The following KIF21B variants were observed in gnomAD, a reference collection of about 807,000 sequenced individuals.
KIF21B encodes the protein kinesin family member 21B, also known as kinesin-like protein KIF21B.
In KIF21B, 85 loss-of-function variants were observed where a neutral mutation model predicts 192.9. The ratio of observed to expected loss-of-function variants is 0.44; its 90% confidence interval spans 0.37 to 0.53. The LOEUF (loss-of-function observed/expected upper bound fraction) is 0.53, where lower values mean the gene tolerates loss of function less well. Among genes scored for constraint, KIF21B ranks in the 20% least tolerant of loss-of-function variants. The pLI, the probability that KIF21B is intolerant of heterozygous loss-of-function variation, is 0.00. For missense variants in KIF21B, 1,716 were observed against 2,194.8 expected, an observed-to-expected ratio of 0.78 and a Z score of 4.36; for synonymous variants, 832 against 884.6, an observed-to-expected ratio of 0.94 and a Z score of 1.05.
At chr1:200,981,547 G>T (rs1655931138) in intron 28 of KIF21B, among the ~76,000 whole-genome samples, 1 of 152,162 alleles carries the variant, frequency 6.6e-6, no homozygotes, top group South Asian at 2.1e-4. Context: ...GTGAGGGAGG[G>T]GTGCTGAGAG....
Position 200,981,043 on chromosome 1 carries a change from T to C in KIF21B, c.3896A>G (p.Gln1299Arg). 6.2e-7 allele frequency: 1 copy of C among 1,609,840 alleles called. No homozygotes were observed. Among genetic ancestry groups the C allele is most frequent in the Non-Finnish European group, 8.5e-7 (1 of 1,178,426 alleles). The change falls in exon 29 of 35, where the codon CAG (glutamine) becomes CGG (arginine). Residue 1299 changes from glutamine to arginine, a missense_variant. Transcript: ENST00000461742. ...GTGGCCTTCGGCCATGGAGACACAC[T>C]GCAGTGGGGCCGTCCGTGCACCCTT... ...GAKGARTAPL[Q>R]CVSMAEGHTK...
intron 16 of KIF21B, 136 bp from the exon 17 acceptor site, chr1:200,991,861 T>G: frequency 2.2e-6 from 2 of 909,738 alleles, no homozygotes; most frequent in Non-Finnish European, 3.4e-6. Context: ...CTTGATAAAG[T>G]GGGACCCAGG....
chr1:200,977,797 T>C (rs572439828), intron 30 of KIF21B, among the ~76,000 whole-genome samples: 86 of 151,854 alleles, frequency 5.7e-4, no homozygotes, highest in Admixed American at 2.2e-3. Flanking sequence ...CGCAATGGCA[T>C]GATCTCGGCT....
intron 34 of KIF21B, chr1:200,973,798 T>C: frequency 1.0e-5 from 15 of 1,434,328 alleles, no homozygotes; most frequent in Non-Finnish European, 1.3e-5. Context: ...AGCTTTGTCA[T>C]GGGTTTTCTT....
chr1:200,979,429 T>C (rs749621779), intron 30 of KIF21B, 106 bp downstream of exon 30: 3 of 789,520 alleles, frequency 3.8e-6, no homozygotes, highest in South Asian at 2.6e-5. Flanking sequence ...TCTGTGCCCA[T>C]GTAGCCGGGC....
Position 201,009,460 on chromosome 1 carries a change from T to C in KIF21B, c.70A>G (p.Ile24Val). 1.2e-6 allele frequency: 2 copies of C among 1,614,154 alleles called. No homozygotes were observed. The highest frequency in any genetic ancestry group is 2.2e-5 in the South Asian group (2 of 91,090). The part of the protein sequence containing the change: ...RIRPQLSKEK[I>V]EGCHICTSVT... ...GAGGTACAGATGTGACAGCCCTCAA[T>C]CTTCTCCTTCGACAGCTGGGGCCGG... is the stretch of plus-strand genomic sequence containing the variant. Residue 24 changes from isoleucine (I) to valine (V), a missense_variant, in exon 2 of 35, where the codon ATT (isoleucine) becomes GTT (valine). Physicochemically the swap from Ile to Val is conservative, Grantham distance 29 (BLOSUM62 3). This residue lies in a region of KIF21B where 1,087 missense variants were observed against 1,316.6 expected (regional missense o/e 0.83). Coordinates refer to ENST00000461742, the MANE Select transcript of KIF21B (RefSeq NM_001252102.2).
At chr1:201,008,445 C>T (rs1658042164) in intron 3 of KIF21B, among the ~76,000 whole-genome samples, 1 of 152,130 alleles carries the variant, frequency 6.6e-6, no homozygotes, top group Admixed American at 6.6e-5. Flanking sequence ...AGGTACCACC[C>T]CATTTTGCAG....
In KIF21B at chr1:201,023,280, A is replaced by G. The variant is rs1197571479; in HGVS notation, c.41+63T>C. 5 of 1,422,046 alleles carry G rather than the reference A, an allele frequency of 3.5e-6. No individual in the cohort carries two copies. The highest frequency in any genetic ancestry group is 4.7e-6 in the Non-Finnish European group (5 of 1,059,800). 88.1% of individuals were successfully genotyped at this position (1,422,046 alleles called of 1,614,324 possible). On this transcript the variant is annotated intron_variant, in intron 1 of 34. Transcript: ENST00000461742. This position sits in a 1 kb window ranked among gnomAD's most constrained non-coding sequence, Gnocchi z 5.9. Reference sequence around the variant, plus strand: ...AGCGGTGCTCGCGCCCCCCGCCCAAAGCCCACGCGAGACAAAGCCCGAGGC... The same window carrying G: ...AGCGGTGCTCGCGCCCCCCGCCCAAGGCCCACGCGAGACAAAGCCCGAGGC...
rs139054178 is a variant in KIF21B at position 201,003,601 on chromosome 1, C to A, written c.1197G>T (p.Leu399=). The change falls in exon 8 of 35, where the codon CTG becomes CTT. Residue 399 remains leucine (L), a synonymous_variant. Coordinates refer to ENST00000461742, the MANE Select transcript of KIF21B (RefSeq NM_001252102.2). ...RAEIARLQME[L]MEYKAGKRVI... ...GCATGCTCACCGCCTTATACTCCATCAGCTCCATCTGCAGCCGAGCAATCT... is the reference window on the plus strand; with the variant it reads ...GCATGCTCACCGCCTTATACTCCATAAGCTCCATCTGCAGCCGAGCAATCT... 3,434 of 1,613,952 alleles carry A rather than the reference C, an allele frequency of 2.1e-3. 13 individuals are homozygous for A. The highest frequency in any genetic ancestry group is 0.011 in the Middle Eastern group (62 of 5,820).
intron 15 of KIF21B, among the ~76,000 whole-genome samples, chr1:200,995,925 C>A (rs1413173484): frequency 6.6e-6 from 1 of 152,156 alleles, no homozygotes; most frequent in African/African-American, 2.4e-5. Flanking sequence ...GTGGGGTCCC[C>A]TGAAATCCTC....
intron 5 of KIF21B, 144 bp from the exon 6 acceptor site, chr1:201,005,077 A>G (rs1657728319): frequency 1.9e-6 from 2 of 1,053,448 alleles, no homozygotes; most frequent in South Asian, 1.6e-5. Context: ...CAATGTGCAC[A>G]GTATTTGCAC....
intron 16 of KIF21B, 62 bp from the exon 17 acceptor site, chr1:200,991,787 TA>T (rs1656719852): frequency 1.3e-6 from 2 of 1,548,526 alleles, no homozygotes; most frequent in Non-Finnish European, 1.8e-6. Context: ...TCTGTCTGTG[TA>T]CAGGCTGGCT....
Position 200,974,866 on chromosome 1 carries a change from G to C in KIF21B, c.4662C>G (p.Ile1554Met), listed in dbSNP as rs1655441800. 1.1e-5 allele frequency: 17 copies of C among 1,614,160 alleles called. No individual in the cohort carries two copies. The highest frequency in any genetic ancestry group is 1.4e-5 in the Non-Finnish European group (16 of 1,180,022). The change falls in exon 34 of 35, where the codon ATC becomes ATG. Residue 1554 changes from isoleucine (I) to methionine (M), a missense_variant. Ile to Met is a conservative substitution (Grantham distance 10). This residue lies in a region of KIF21B where 580 missense variants were observed against 775.5 expected (regional missense o/e 0.75). Coordinates refer to ENST00000461742, the MANE Select transcript of KIF21B (RefSeq NM_001252102.2). Reference sequence around the variant, plus strand: ...CGCTGAGCAGCATGGGGCGGCCCGGGATGAAGGCCAGGGCGCACACCCAGT... The same window carrying C: ...CGCTGAGCAGCATGGGGCGGCCCGGCATGAAGGCCAGGGCGCACACCCAGT... ...HKDWVCALAFIPGRPMLLSAC... is the reference protein window; with the variant it reads ...HKDWVCALAFMPGRPMLLSAC...
chr1:200,993,938 G>A (rs1347085961), intron 15 of KIF21B, among the ~76,000 whole-genome samples: 2 of 145,052 alleles, frequency 1.4e-5, no homozygotes, highest in African/African-American at 2.6e-5. Flanking sequence ...GGTCCAGAAT[G>A]AGTGTTCTCC....
Position 200,975,786 on chromosome 1 carries a change from G to A in KIF21B, c.4444-117C>T. 1 of 1,025,932 alleles carries A rather than the reference G, an allele frequency of 9.7e-7. No homozygotes were observed. The highest frequency in any genetic ancestry group is 1.4e-6 in the Non-Finnish European group (1 of 729,040). The allele number at this position is 1,025,932 out of a possible 1,614,324, so 63.6% of individuals were successfully genotyped here. A position where few individuals can be genotyped will look rare whatever the true frequency, so the allele number is the denominator to read the frequency against. Reference sequence around the variant, plus strand: ...GAGTCTGGCTAGGGTGACAGCCACTGCCCTCTGGGGAGAGGAGCTTCCCAG... The same window carrying A: ...GAGTCTGGCTAGGGTGACAGCCACTACCCTCTGGGGAGAGGAGCTTCCCAG... On this transcript the variant is annotated intron_variant, in intron 32 of 34. Coordinates refer to ENST00000461742, the MANE Select transcript of KIF21B (RefSeq NM_001252102.2). This position sits in a 1 kb window ranked among gnomAD's most constrained non-coding sequence, Gnocchi z 4.3.
intron 14 of KIF21B, 25 bp from the exon 15 acceptor site, chr1:200,996,420 C>A: frequency 6.2e-7 from 1 of 1,608,078 alleles, no homozygotes; most frequent in South Asian, 1.1e-5. Flanking sequence ...ACGCAGCTGT[C>A]GGTGCTGGGT....
chr1:201,009,777 T>G (rs1158021095), intron 1 of KIF21B, among the ~76,000 whole-genome samples: 1 of 152,206 alleles, frequency 6.6e-6, no homozygotes, highest in Non-Finnish European at 1.5e-5. Context: ...ACTATAAACT[T>G]GTGAGGTACC....
chr1:200,992,416 G>A (rs1656764586), intron 15 of KIF21B, 27 bp from the exon 16 acceptor site: 12 of 1,608,080 alleles, frequency 7.5e-6, no homozygotes, highest in Non-Finnish European at 1.0e-5. Flanking sequence ...TTATGGTGGT[G>A]AGACAGGGCT....
intron 1 of KIF21B, among the ~76,000 whole-genome samples, chr1:201,016,290 G>C (rs1658498903): frequency 6.6e-6 from 1 of 152,242 alleles, no homozygotes; most frequent in African/African-American, 2.4e-5. Flanking sequence ...ACAGCTGCCA[G>C]CAGTGCCACA....
Sources: allele counts gnomAD v4.1 joint callset (sites outside exome capture counted in the v4.1 genomes callset), GRCh38; gene constraint gnomAD v4.1.1; regional missense constraint gnomAD v4.1.1; non-coding constraint Gnocchi (gnomAD v3.1); transcripts MANE v1.5; gene names NCBI Gene and HGNC (gene_info 2026-07-23, HGNC 2026-07-21).